RGS7BP: variants seen among roughly 807,000 people sequenced by gnomAD.
RGS7BP encodes regulator of G protein signaling 7 binding protein.
In RGS7BP, 9 loss-of-function variants were observed where a neutral mutation model predicts 31.3. That is an observed-to-expected ratio of 0.29 (90% CI 0.17 to 0.50). The LOEUF is 0.50. RGS7BP is among the 20% of genes least tolerant of loss of function. RGS7BP has a pLI of 0.98. For synonymous variants in RGS7BP, 115 were observed against 120.1 expected (o/e 0.96, Z 0.28); for missense variants, 274 against 322.0 (o/e 0.85, Z 1.14).
chr5:64,589,924 C>T (rs1052891700), intron 3 of RGS7BP, among the ~76,000 whole-genome samples: 5 of 104,408 alleles, frequency 4.8e-5, no homozygotes, highest in Non-Finnish European at 1.0e-4. Context: ...GACCCTGACT[C>T]AAAAAAAAAA....
intron 2 of RGS7BP, among the ~76,000 whole-genome samples, chr5:64,550,413 T>C (rs1177866212): frequency 6.6e-6 from 1 of 152,046 alleles, no homozygotes. Context: ...CACTAACCCC[T>C]CAGACTAGGG....
At chr5:64,576,943 C>A (rs759927916) in intron 3 of RGS7BP, among the ~76,000 whole-genome samples, 13 of 152,018 alleles carry the variant, frequency 8.6e-5, no homozygotes, top group Non-Finnish European at 1.6e-4. Flanking sequence ...GTAATCCTTG[C>A]CTATGATTTA....
intron 2 of RGS7BP, among the ~76,000 whole-genome samples, chr5:64,570,173 T>G (rs1268321930): frequency 6.6e-6 from 1 of 152,042 alleles, no homozygotes; most frequent in Non-Finnish European, 1.5e-5. Context: ...AGCAGATAAT[T>G]ATAAGTAAAG....
chr5:64,578,291 C>T (rs771103552), intron 3 of RGS7BP, among the ~76,000 whole-genome samples: 8 of 152,190 alleles, frequency 5.3e-5, no homozygotes, highest in Non-Finnish European at 7.3e-5. Context: ...CTTCTGTGTA[C>T]AACTCGTAAA....
chr5:64,546,095 G>A (rs567061902), intron 2 of RGS7BP, among the ~76,000 whole-genome samples: 90 of 152,064 alleles, frequency 5.9e-4, no homozygotes, highest in African/African-American at 2.0e-3. Flanking sequence ...GCGAGGTTGC[G>A]GTGAGCCAAG....
intron 4 of RGS7BP, among the ~76,000 whole-genome samples, chr5:64,595,159 AAC>A (rs1194287714): frequency 2.0e-5 from 3 of 152,292 alleles, no homozygotes; most frequent in Middle Eastern, 3.4e-3. Flanking sequence ...GGAAAATGAG[AAC>A]AGTGTGCTGC....
chr5:64,606,039 T>TATATAG lies in RGS7BP; in HGVS notation c.683-3121_683-3120insTATAGA, dbSNP rs1423740473. Among the ~76,000 whole-genome samples the TATATAG allele has an allele frequency of 1.2e-3, 146 of 123,714 alleles. 6 individuals carry two copies. Among genetic ancestry groups the TATATAG allele is most frequent in the African/African-American group, 4.1e-3 (132 of 32,314 alleles). 81.2% of individuals were successfully genotyped at this position (123,714 alleles called of 152,430 possible). ...CTGGATACATATATATATATATATA[T>TATATAG]AGAGAGAGAGAGAGAGAGAGAAGGC... On this transcript the variant is annotated intron_variant, in intron 5 of 5. Transcript: ENST00000334025.
chr5:64,610,265 T>C lies in RGS7BP; in HGVS notation c.*1013T>C, dbSNP rs1214414245. ...AACGTGTACTTGGTGTCTTGTCTTA[T>C]GCTTAGACTCTTGAAAGCAGGACAC... On this transcript the variant is annotated 3_prime_UTR_variant, in exon 6 of 6. Coordinates refer to ENST00000334025, the MANE Select transcript of RGS7BP (RefSeq NM_001029875.3). 2 of 152,472 alleles carry C rather than the reference T, an allele frequency of 1.3e-5. No individual in the cohort carries two copies. Among genetic ancestry groups the C allele is most frequent in the East Asian group, 1.9e-4 (1 of 5,190 alleles). The allele number at this position is 152,472 out of a possible 1,614,324, so 9.4% of individuals were successfully genotyped here. A position where few individuals can be genotyped will look rare whatever the true frequency, so the allele number is the denominator to read the frequency against.
chr5:64,547,236 C>A (rs751330012), intron 2 of RGS7BP, among the ~76,000 whole-genome samples: 2 of 152,148 alleles, frequency 1.3e-5, no homozygotes, highest in Non-Finnish European at 2.9e-5. Context: ...ATTTTCAGTT[C>A]TCTTAGGTAA....
chr5:64,531,722 G>GA (rs531050866), intron 2 of RGS7BP, among the ~76,000 whole-genome samples: 74 of 152,238 alleles, frequency 4.9e-4, no homozygotes, highest in Middle Eastern at 3.4e-3. Flanking sequence ...CACAGATCCT[G>GA]AAAAAAATCT....
intron 2 of RGS7BP, among the ~76,000 whole-genome samples, chr5:64,523,192 A>G (rs1749150670): frequency 6.6e-6 from 1 of 152,198 alleles, no homozygotes; most frequent in Non-Finnish European, 1.5e-5. Context: ...GCAGGGCCCC[A>G]GGTAGGTGAA....
intron 2 of RGS7BP, among the ~76,000 whole-genome samples, chr5:64,520,964 A>G (rs905150750): frequency 2.6e-5 from 4 of 152,242 alleles, no homozygotes; most frequent in Non-Finnish European, 5.9e-5. Flanking sequence ...CAAAAACACT[A>G]CGACTTAAAA....
intron 3 of RGS7BP, among the ~76,000 whole-genome samples, chr5:64,590,518 G>A (rs1224451601): frequency 1.3e-5 from 2 of 152,060 alleles, no homozygotes; most frequent in Non-Finnish European, 2.9e-5. Context: ...TTTCTAGGAC[G>A]AATGAATTAT....
Position 64,575,920 on chromosome 5 carries a change from A to G in RGS7BP, c.463+16A>G, listed in dbSNP as rs1176486002. On this transcript the variant is annotated intron_variant, in intron 3 of 5. Transcript: ENST00000334025. ...CATCGAAAAGGTATCTACATTTAAT[A>G]TTGCCGGAAACACTGAGGAATGTTG... 6.2e-7 allele frequency: 1 copy of G among 1,604,252 alleles called. No individual in the cohort carries two copies.
intron 5 of RGS7BP, among the ~76,000 whole-genome samples, chr5:64,600,026 C>G (rs1743178007): frequency 6.6e-6 from 1 of 152,166 alleles, no homozygotes; most frequent in African/African-American, 2.4e-5. Context: ...TTGCTCAAAT[C>G]ACCATCAAAT....
At chr5:64,542,013 C>T (rs1228045375) in intron 2 of RGS7BP, among the ~76,000 whole-genome samples, 1 of 151,932 alleles carries the variant, frequency 6.6e-6, no homozygotes, top group African/African-American at 2.4e-5. Context: ...GGTACGAATC[C>T]GTGTATTTCT....
intron 2 of RGS7BP, among the ~76,000 whole-genome samples, chr5:64,516,689 G>T (rs991119348): frequency 6.6e-6 from 1 of 152,196 alleles, no homozygotes; most frequent in African/African-American, 2.4e-5. Flanking sequence ...GGGAGGTAAG[G>T]ATAGGAAATC....
chr5:64,605,510 G>GAC (rs1341084057), intron 5 of RGS7BP, among the ~76,000 whole-genome samples: 1 of 152,140 alleles, frequency 6.6e-6, no homozygotes, highest in African/African-American at 2.4e-5. Flanking sequence ...AATGTGGAGA[G>GAC]ACACATTTCC....
At position 64,594,727 on chromosome 5, in the gene RGS7BP, G is replaced by A. The variant is rs199718531; in HGVS notation, c.481G>A (p.Gly161Arg). ...TCCCTTAGGAAAGGAACCTGGCGGG[G>A]GAACCAAGAGTTTGGATTGCAAAAT... ...FHRKGKEPGGGTKSLDCKIEE... is the reference protein window; with the variant it reads ...FHRKGKEPGGRTKSLDCKIEE... The change falls in exon 4 of 6, where the codon GGA becomes AGA. Residue 161 changes from glycine (G) to arginine (R), a missense_variant. By Grantham distance (125) the Gly-to-Arg change is moderately radical (BLOSUM62 -2). Transcript: ENST00000334025. 1.2e-6 allele frequency: 2 copies of A among 1,613,660 alleles called. No individual in the cohort carries two copies. The highest frequency in any genetic ancestry group is 8.5e-7 in the Non-Finnish European group (1 of 1,179,740).
Sources: gnomAD v4.1 joint callset for allele counts (sites outside exome capture counted in the v4.1 genomes callset) on GRCh38, gnomAD v4.1.1 for gene constraint, MANE v1.5 for transcripts, NCBI Gene and HGNC (gene_info 2026-07-23, HGNC 2026-07-21) for gene names.